Variants in COPB1 observed in about 807,000 individuals in gnomAD.
COPB1 encodes the protein coatomer subunit beta.
COPB1 carries 21 observed loss-of-function variants against 108.7 expected under a neutral mutation model. That is an observed-to-expected ratio of 0.19 (90% confidence interval 0.14 to 0.28). The LOEUF is 0.28. Among genes scored for constraint, COPB1 ranks in the 10% least tolerant of loss-of-function variants. The probability of loss-of-function intolerance (pLI) is 1.00; values close to 1 mark genes in which losing one functional copy is unlikely to be tolerated. For missense variants in COPB1, 919 were observed against 1,141.3 expected (o/e 0.81, Z 2.81); for synonymous variants, 378 against 386.8 (o/e 0.98, Z 0.27).
intron 17 of COPB1, 84 bp from the exon 18 acceptor site, chr11:14,465,114 C>T (rs1850258422): frequency 7.1e-7 from 1 of 1,412,702 alleles, no homozygotes; most frequent in Non-Finnish European, 9.4e-7. Context: ...CACACACTAA[C>T]CATAAAACCT....
At chr11:14,474,695 C>T in intron 13 of COPB1, 80 bp from the exon 14 acceptor site, 1 of 1,557,968 alleles carries the variant, frequency 6.4e-7, no homozygotes, top group Non-Finnish European at 8.7e-7. Flanking sequence ...TGATATAGGC[C>T]TATTAAACAC....
chr11:14,491,150 T>C (rs192487772), intron 4 of COPB1, among the ~76,000 whole-genome samples: 17 of 152,184 alleles, frequency 1.1e-4, no homozygotes, highest in African/African-American at 4.1e-4. Context: ...GGTCGAGTGA[T>C]TCTCCTGCCT....
At chr11:14,488,304 G>A (rs1299559764) in intron 6 of COPB1, among the ~76,000 whole-genome samples, 188 bp downstream of exon 6, 1 of 152,142 alleles carries the variant, frequency 6.6e-6, no homozygotes, top group Non-Finnish European at 1.5e-5. Context: ...AAGGATATAA[G>A]CAAGTATTCT....
In COPB1 at chr11:14,499,138, C is replaced by A. The variant is rs558410102; in HGVS notation, c.-57-153G>T. Among the ~76,000 whole-genome samples, 4 of 152,206 alleles carry A rather than the reference C, an allele frequency of 2.6e-5. No homozygotes were observed. The East Asian group carries it at 7.7e-4, about 29-fold the overall frequency. On this transcript the variant is annotated intron_variant, in intron 1 of 21. Transcript: ENST00000439561. ...ATTCTAGTAAAAACCACATTATCAG[C>A]TCTGGCATAAGGTATATTATCTATC...
chr11:14,459,983 T>A (rs889816870), intron 20 of COPB1: 19 of 376,792 alleles, frequency 5.0e-5, no homozygotes, highest in East Asian at 2.6e-4. Flanking sequence ...AAAAAAAAAA[T>A]TAATCTGACT....
At chr11:14,459,281 A>G (rs548672026) in intron 20 of COPB1, among the ~76,000 whole-genome samples, 93 of 152,220 alleles carry the variant, frequency 6.1e-4, no homozygotes, top group African/African-American at 2.2e-3. Context: ...CCCATATCAG[A>G]CCTTAAGCGC....
At chr11:14,476,510 A>G (rs1480425437) in intron 12 of COPB1, among the ~76,000 whole-genome samples, 1 of 152,218 alleles carries the variant, frequency 6.6e-6, no homozygotes, top group Non-Finnish European at 1.5e-5. Flanking sequence ...TTATAGGTGA[A>G]AAACACTGAT....
Position 14,498,876 on chromosome 11 carries a change from G to A in COPB1, c.53C>T (p.Ser18Leu). ...TAAGCTAATTTCAGATGGTGGTTCT[G>A]AATCCATTGGCACGTTAATTAACGT... ...CYTLINVPMDSEPPSEISLKN... is the reference protein window; with the variant it reads ...CYTLINVPMDLEPPSEISLKN... The change falls in exon 2 of 22, where the codon TCA becomes TTA. Residue 18 changes from serine (S) to leucine (L), a missense_variant. By Grantham distance (145) the Ser-to-Leu change is moderately radical. Transcript: ENST00000439561. 1 of 1,610,076 alleles carries A rather than the reference G, an allele frequency of 6.2e-7. No individual in the cohort carries two copies. Among genetic ancestry groups the A allele is most frequent in the Non-Finnish European group, 8.5e-7 (1 of 1,179,074 alleles).
chr11:14,478,762 T>C (rs1459830126), intron 11 of COPB1: 1 of 151,982 alleles, frequency 6.6e-6, no homozygotes, highest in African/African-American at 2.4e-5. Flanking sequence ...AACAATTCTT[T>C]AGTTTAAAAT....
At chr11:14,478,018 AC>A (rs67147262) in intron 11 of COPB1, among the ~76,000 whole-genome samples, 23,846 of 150,808 alleles carry the variant, frequency 0.16, 1,997 homozygotes, top group African/African-American at 0.19. Flanking sequence ...TAACAAAAAA[AC>A]AAAAAACAAA....
At chr11:14,463,230 TC>T (rs1459608081) in intron 18 of COPB1, among the ~76,000 whole-genome samples, 2 of 152,220 alleles carry the variant, frequency 1.3e-5, no homozygotes, top group Admixed American at 1.3e-4. Flanking sequence ...TTTTCAAATC[TC>T]CCCTCTTTTT....
chr11:14,484,544 C>T (rs924501570), intron 7 of COPB1, among the ~76,000 whole-genome samples: 3 of 151,996 alleles, frequency 2.0e-5, no homozygotes, highest in African/African-American at 7.2e-5. Flanking sequence ...ATGGTGAAAC[C>T]CTGTCTCTAC....
chr11:14,470,944 A>ACACACACACTCTCT (rs1285522756), intron 14 of COPB1, among the ~76,000 whole-genome samples: 48 of 90,200 alleles, frequency 5.3e-4, no homozygotes, highest in African/African-American at 2.5e-3. Flanking sequence ...ACACACACAC[A>ACACACACACTCTCT]CTCTCTCTCT....
intron 2 of COPB1, among the ~76,000 whole-genome samples, chr11:14,498,621 A>G (rs1755778048): frequency 6.6e-6 from 1 of 152,222 alleles, no homozygotes. Context: ...AACTATTACA[A>G]TTTCTTTAGG....
chr11:14,483,633 A>C (rs1246118291), intron 7 of COPB1, among the ~76,000 whole-genome samples: 13 of 152,294 alleles, frequency 8.5e-5, no homozygotes, highest in African/African-American at 2.6e-4. Flanking sequence ...AATAACTATT[A>C]ATAAGACAAA....
chr11:14,458,430 C>T (rs1850073987), intron 21 of COPB1, 102 bp downstream of exon 21: 3 of 1,103,110 alleles, frequency 2.7e-6, no homozygotes, highest in South Asian at 3.4e-5. Context: ...TGTGTATATG[C>T]ATCTAATGCT....
At chr11:14,477,247 G>A (rs1455130079) in intron 11 of COPB1, among the ~76,000 whole-genome samples, 2 of 151,790 alleles carry the variant, frequency 1.3e-5, no homozygotes, top group Non-Finnish European at 2.9e-5. Context: ...AGCCGGGCAT[G>A]GTGGCGGGCG....
intron 5 of COPB1, among the ~76,000 whole-genome samples, chr11:14,490,002 C>T (rs1215855838): frequency 6.6e-6 from 1 of 152,140 alleles, no homozygotes; most frequent in Non-Finnish European, 1.5e-5. Context: ...AGACTTCATG[C>T]ATATTATTTC....
chr11:14,471,510 AAG>A (rs1232649434), intron 14 of COPB1, among the ~76,000 whole-genome samples: 1 of 152,230 alleles, frequency 6.6e-6, no homozygotes, highest in Non-Finnish European at 1.5e-5. Context: ...ATGCCCACAA[AAG>A]AGTTACAAAA....
Sources: gnomAD v4.1 joint callset for allele counts (sites outside exome capture counted in the v4.1 genomes callset) on GRCh38, gnomAD v4.1.1 for gene constraint, MANE v1.5 for transcripts, NCBI Gene and HGNC (gene_info 2026-07-23, HGNC 2026-07-21) for gene names.